The following ESRRB variants were observed in gnomAD, a reference collection of about 807,000 sequenced individuals.
The protein encoded by ESRRB is steroid hormone receptor ERR2.
Under a neutral mutation model 46.0 loss-of-function variants are expected in ESRRB, and 16 were observed. That is an observed-to-expected ratio of 0.35 (90% CI 0.24 to 0.53). The LOEUF is 0.53. Among genes scored for constraint, ESRRB ranks in the 20% least tolerant of loss-of-function variants. The pLI, the probability that ESRRB is intolerant of heterozygous loss-of-function variation, is 0.93. For missense variants in ESRRB, 488 were observed against 607.4 expected, an observed-to-expected ratio of 0.80 and a Z score of 2.07; for synonymous variants, 246 against 259.6, an observed-to-expected ratio of 0.95 and a Z score of 0.50.
At chr14:76,421,899 A>G (rs757170070) in intron 1 of ESRRB, among the ~76,000 whole-genome samples, 2 of 152,220 alleles carry the variant, frequency 1.3e-5, no homozygotes, top group Non-Finnish European at 2.9e-5. Flanking sequence ...AGCCAGTGGC[A>G]GGGCTCTGCC....
chr14:76,361,435 G>GAA (rs1257861474), intron 1 of ESRRB, among the ~76,000 whole-genome samples: 1 of 152,184 alleles, frequency 6.6e-6, no homozygotes, highest in African/African-American at 2.4e-5. Context: ...CTTTGGAGCA[G>GAA]AAAAAGCTAG....
At position 76,498,550 on chromosome 14, in the gene ESRRB, C is replaced by T. The variant is rs2140063986; in HGVS notation, c.*92C>T. 1 of 1,607,392 alleles carries T rather than the reference C, an allele frequency of 6.2e-7. No homozygotes were observed. ...CACAGCCACCAGCCTCCACCTTCAA[C>T]CCCTGTATCATGGCTCTGAGCTGTC... is the stretch of plus-strand genomic sequence containing the variant. On this transcript the variant is annotated 3_prime_UTR_variant, in exon 7 of 7. Transcript: ENST00000644823.
chr14:76,460,787 C>T (rs192219619), intron 2 of ESRRB, among the ~76,000 whole-genome samples: 1 of 150,742 alleles, frequency 6.6e-6, no homozygotes, highest in Non-Finnish European at 1.5e-5. Flanking sequence ...CTGCAACCTC[C>T]GCCTCATGGG....
chr14:76,345,830 G>C lies in ESRRB; in HGVS notation c.2+34914G>C, dbSNP rs139147557. The stretch of plus-strand genomic sequence containing the variant: ...CAAGACTTGAATTCAGACCTTCCGG[G>C]CTCTGTCTCACGTTTGTTTTTTAGG... On this transcript the variant is annotated intron_variant, in intron 1 of 6. Coordinates refer to the ESRRB transcript ENST00000512784. Among the ~76,000 whole-genome samples the C allele has an allele frequency of 4.3e-3, 658 of 152,296 alleles. 5 individuals are homozygous for C. The highest frequency in any genetic ancestry group is 0.015 in the African/African-American group (633 of 41,556).
At chr14:76,327,487 AATGATGATGATGATG>A (rs10543425) in intron 1 of ESRRB, among the ~76,000 whole-genome samples, 1 of 150,634 alleles carries the variant, frequency 6.6e-6, no homozygotes, top group Non-Finnish European at 1.5e-5. Flanking sequence ...TGATGATGAT[AATGATGATGATGATG>A]ATGATGATGA....
At chr14:76,344,158 T>C (rs1173471827) in intron 1 of ESRRB, among the ~76,000 whole-genome samples, 1 of 152,252 alleles carries the variant, frequency 6.6e-6, no homozygotes, top group South Asian at 2.1e-4. Context: ...CAGAGGGTGA[T>C]TGTGAGGATG....
chr14:76,352,976 C>T (rs377711541), intron 1 of ESRRB, among the ~76,000 whole-genome samples: 2 of 152,226 alleles, frequency 1.3e-5, no homozygotes, highest in African/African-American at 4.8e-5. Flanking sequence ...CCCGAATCGC[C>T]GCGCTCCTGC....
rs1041294456 is a variant in ESRRB at position 76,437,820 on chromosome 14, C to T, written c.51-1521C>T. Among the ~76,000 whole-genome samples the T allele has an allele frequency of 3.9e-5, 6 of 152,336 alleles. 1 individual carries two copies. Among genetic ancestry groups the T allele is most frequent in the African/African-American group, 1.4e-4 (6 of 41,576 alleles). ...GTTGAGAGAAGAACAAGTCCTCTCC[C>T]TTCATCCTGGGAGCTGGGATACGGG... On this transcript the variant is annotated intron_variant, in intron 1 of 6. Coordinates refer to ENST00000644823, the MANE Select transcript of ESRRB (RefSeq NM_001379180.1).
At chr14:76,374,924 C>G (rs536906585), upstream of ESRRB, among the ~76,000 whole-genome samples, 4 of 152,328 alleles carry the variant, frequency 2.6e-5, no homozygotes, top group East Asian at 3.9e-4. Flanking sequence ...TCTGCCCACT[C>G]TCCCAGCCCC....
intron 5 of ESRRB, among the ~76,000 whole-genome samples, chr14:76,488,099 C>T (rs554853402): frequency 6.6e-6 from 1 of 152,144 alleles, no homozygotes; most frequent in Non-Finnish European, 1.5e-5. Context: ...CCATTCCGAC[C>T]TCCTAAAAGT....
upstream of ESRRB, among the ~76,000 whole-genome samples, chr14:76,373,446 C>T (rs1444963813): frequency 6.6e-6 from 1 of 152,174 alleles, no homozygotes; most frequent in African/African-American, 2.4e-5. Flanking sequence ...ATACTGCTGC[C>T]TCTCCAGCCA....
chr14:76,348,271 G>T (rs1456799307), intron 1 of ESRRB, among the ~76,000 whole-genome samples: 1 of 152,174 alleles, frequency 6.6e-6, no homozygotes, highest in Non-Finnish European at 1.5e-5. Flanking sequence ...CCCAGGCTCA[G>T]CACCAGACCC....
intron 5 of ESRRB, among the ~76,000 whole-genome samples, chr14:76,486,680 TG>T (rs1890035249): frequency 6.6e-6 from 1 of 152,106 alleles, no homozygotes; most frequent in African/African-American, 2.4e-5. Context: ...ACAATTTTCC[TG>T]GGGCAGCAGA....
intron 1 of ESRRB, among the ~76,000 whole-genome samples, chr14:76,341,921 T>C (rs924791557): frequency 6.6e-6 from 1 of 152,158 alleles, no homozygotes; most frequent in African/African-American, 2.4e-5. Flanking sequence ...TGCTGGAGAA[T>C]GGTGAGGAGT....
chr14:76,314,769 G>A (rs923584931), intron 1 of ESRRB, among the ~76,000 whole-genome samples: 1 of 152,056 alleles, frequency 6.6e-6, no homozygotes, highest in Non-Finnish European at 1.5e-5. Context: ...GAGGTCAGAA[G>A]TCTAAGTCCC....
chr14:76,471,921 A>G (rs1315681054), intron 3 of ESRRB, among the ~76,000 whole-genome samples: 1 of 152,188 alleles, frequency 6.6e-6, no homozygotes, highest in Non-Finnish European at 1.5e-5. Flanking sequence ...TAAGAGTGCC[A>G]TGATTGATTA....
chr14:76,488,445 C>T (rs896634895), intron 5 of ESRRB, among the ~76,000 whole-genome samples: 1 of 152,174 alleles, frequency 6.6e-6, no homozygotes, highest in Non-Finnish European at 1.5e-5. Flanking sequence ...CACCCAAGGG[C>T]AGGGCCTGAC....
In ESRRB at chr14:76,494,831, C is replaced by T. The variant is rs367893659; in HGVS notation, c.1120+3115C>T. ...ACAAAGCCAGGTGCAGGAAGGCTGG[C>T]CAGGCCTTGGAGGTCAAGCCCTCTA... is the stretch of plus-strand genomic sequence containing the variant. On this transcript the variant is annotated intron_variant, in intron 6 of 6. Transcript: ENST00000644823. 2.0e-4 allele frequency among the ~76,000 whole-genome samples: 31 copies of T among 152,258 alleles called. No homozygotes were observed. In the South Asian group the frequency reaches 6.4e-3, roughly 32 times the overall value.
chr14:76,482,784 G>A lies in ESRRB; in HGVS notation c.850+25G>A. 6.2e-7 allele frequency: 1 copy of A among 1,613,206 alleles called. No individual in the cohort carries two copies. Among genetic ancestry groups the A allele is most frequent in the Non-Finnish European group, 8.5e-7 (1 of 1,179,914 alleles). On this transcript the variant is annotated intron_variant, in intron 5 of 6. Coordinates refer to ENST00000644823, the MANE Select transcript of ESRRB (RefSeq NM_001379180.1). This position sits in a 1 kb window ranked among gnomAD's most constrained non-coding sequence, Gnocchi z 4.3. ...GGTGAGCATGTGGGACCAGGGGAGA[G>A]TGTGGCCAGGGACTCTCAGCCGGTA...
Sources: gnomAD v4.1 joint callset for allele counts (sites outside exome capture counted in the v4.1 genomes callset) on GRCh38, gnomAD v4.1.1 for gene constraint, Gnocchi (gnomAD v3.1) non-coding constraint, MANE v1.5 for transcripts, NCBI Gene and HGNC (gene_info 2026-07-23, HGNC 2026-07-21) for gene names.